Variants in DPH6 observed in about 807,000 individuals in gnomAD.
The protein encoded by DPH6 is diphthamine biosynthesis 6, also known as diphthine--ammonia ligase.
In DPH6, 33 loss-of-function variants were observed where a neutral mutation model predicts 38.2. The ratio of observed to expected loss-of-function variants is 0.86; its 90% CI spans 0.65 to 1.15. The LOEUF (loss-of-function observed/expected upper bound fraction) is 1.15. DPH6 is among the 50% of genes most tolerant of loss of function. DPH6 has a pLI of 0.00. For missense variants in DPH6, 325 were observed against 320.0 expected, an observed-to-expected ratio of 1.02 and a Z score of -0.12; for synonymous variants, 108 against 103.0, an observed-to-expected ratio of 1.05 and a Z score of -0.30.
intron 3 of DPH6, among the ~76,000 whole-genome samples, chr15:35,462,813 C>T (rs112592476): frequency 2.6e-5 from 4 of 152,162 alleles, no homozygotes; most frequent in African/African-American, 9.7e-5. Flanking sequence ...AATCTCAGCT[C>T]TAGAAAAGTA....
At chr15:35,387,113 G>A (rs1247142779) in intron 6 of DPH6, among the ~76,000 whole-genome samples, 1 of 152,134 alleles carries the variant, frequency 6.6e-6, no homozygotes, top group Non-Finnish European at 1.5e-5. Flanking sequence ...TTTCCCCATT[G>A]CTTGTTTTTG....
the DPH6 span, among the ~76,000 whole-genome samples, chr15:35,185,731 T>C: frequency 1.6e-5 from 2 of 126,218 alleles, no homozygotes; most frequent in Admixed American, 8.3e-5. Context: ...ACTCTTTTTT[T>C]TTTTTTTTTT....
At chr15:35,302,445 TC>T (rs2052060716) in intron 3 of DPH6, among the ~76,000 whole-genome samples, 1 of 152,224 alleles carries the variant, frequency 6.6e-6, no homozygotes. Flanking sequence ...CATGCCCTAC[TC>T]TTTTATCAAT....
chr15:35,531,293 G>C (rs1327210150), intron 3 of DPH6, among the ~76,000 whole-genome samples: 1 of 152,156 alleles, frequency 6.6e-6, no homozygotes. Flanking sequence ...GTGTGCAGAA[G>C]GAAACTATTC....
intron 3 of DPH6, among the ~76,000 whole-genome samples, chr15:35,301,790 T>C (rs2052055944): frequency 6.6e-6 from 1 of 152,028 alleles, no homozygotes; most frequent in Non-Finnish European, 1.5e-5. Flanking sequence ...CTGGCTAACA[T>C]GGTAAAACCC....
chr15:35,208,353 G>A, the DPH6 span, among the ~76,000 whole-genome samples: 1 of 152,102 alleles, frequency 6.6e-6, no homozygotes, highest in African/African-American at 2.4e-5. Context: ...TAGACCCCAG[G>A]AGTTATGGGA....
chr15:35,528,210 T>C (rs934446916), intron 3 of DPH6, among the ~76,000 whole-genome samples: 3 of 152,152 alleles, frequency 2.0e-5, no homozygotes, highest in Non-Finnish European at 4.4e-5. Flanking sequence ...GATAAACTAT[T>C]TCAGTTGATA....
At position 35,473,963 on chromosome 15, in the gene DPH6, C is replaced by T. The variant is rs561545848; in HGVS notation, c.313-19143G>A. On this transcript the variant is annotated intron_variant, in intron 3 of 8. Transcript: ENST00000256538. The stretch of plus-strand genomic sequence containing the variant: ...GTGTGTGTGTGTGTGTGTGTGCGCG[C>T]GCGCGCGTGAGCTTTTGTAGACATA... 7.1e-3 allele frequency among the ~76,000 whole-genome samples: 1,002 copies of T among 141,430 alleles called. 9 individuals carry two copies. The highest frequency in any genetic ancestry group is 0.025 in the Middle Eastern group (7 of 278). The allele number at this position is 141,430 out of a possible 152,430, so 92.8% of individuals were successfully genotyped here. A position where few individuals can be genotyped will look rare whatever the true frequency, so the allele number is the denominator to read the frequency against.
In DPH6 at chr15:35,353,876, A is replaced by G. The variant is rs551850304; in HGVS notation, n.207+19645T>C. ...ATCTATAAATTACCTTGGGCAGTATAGCCATTTTCACGATATTGATTCTTC... is the reference window on the plus strand; with the variant it reads ...ATCTATAAATTACCTTGGGCAGTATGGCCATTTTCACGATATTGATTCTTC... On this transcript the variant is annotated intron_variant and non_coding_transcript_variant, in intron 3 of 3. Coordinates refer to the DPH6 transcript ENST00000558973. Among the ~76,000 whole-genome samples the G allele has an allele frequency of 3.0e-3, 461 of 152,240 alleles. 2 individuals are homozygous for G. The highest frequency in any genetic ancestry group is 0.01 in the African/African-American group (426 of 41,564).
intron 3 of DPH6, among the ~76,000 whole-genome samples, chr15:35,486,986 G>A (rs572242874): frequency 1.3e-5 from 2 of 152,162 alleles, no homozygotes; most frequent in African/African-American, 4.8e-5. Flanking sequence ...TCTGAAACCC[G>A]GCAGGGCAGC....
At chr15:35,357,786 C>G (rs2052578255) in intron 3 of DPH6, among the ~76,000 whole-genome samples, 1 of 152,184 alleles carries the variant, frequency 6.6e-6, no homozygotes, top group Non-Finnish European at 1.5e-5. Context: ...TTATATGTTA[C>G]CTGGTGCTTC....
chr15:35,253,606 C>T (rs1358186263), intron 3 of DPH6, among the ~76,000 whole-genome samples: 2 of 152,208 alleles, frequency 1.3e-5, no homozygotes, highest in Non-Finnish European at 2.9e-5. Context: ...AAGTAATACG[C>T]TAGTCACTTA....
the DPH6 span, among the ~76,000 whole-genome samples, chr15:35,167,630 A>G: frequency 6.6e-6 from 1 of 151,810 alleles, no homozygotes; most frequent in African/African-American, 2.4e-5. Flanking sequence ...TCAATATCAG[A>G]CATCTCGCAA....
chr15:35,280,894 C>G (rs1409780685), intron 3 of DPH6, among the ~76,000 whole-genome samples: 1 of 152,090 alleles, frequency 6.6e-6, no homozygotes, highest in Non-Finnish European at 1.5e-5. Context: ...AGACAATTGA[C>G]TTACTTTTCT....
intron 3 of DPH6, among the ~76,000 whole-genome samples, chr15:35,234,205 C>T (rs768243811): frequency 6.6e-6 from 1 of 152,176 alleles, no homozygotes; most frequent in Non-Finnish European, 1.5e-5. Flanking sequence ...CCAGATTGAG[C>T]CTGTAGCAAA....
chr15:35,275,584 G>C (rs2051852326), intron 3 of DPH6, among the ~76,000 whole-genome samples: 1 of 151,986 alleles, frequency 6.6e-6, no homozygotes, highest in Non-Finnish European at 1.5e-5. Context: ...AGACCATTAG[G>C]ACAAATACCT....
At chr15:35,259,148 A>T (rs903776806) in intron 3 of DPH6, among the ~76,000 whole-genome samples, 441 of 148,458 alleles carry the variant, frequency 3.0e-3, no homozygotes, top group Non-Finnish European at 4.4e-3. Flanking sequence ...CCGTCTCAAA[A>T]AAAAAAAAAA....
intron 3 of DPH6, among the ~76,000 whole-genome samples, chr15:35,493,748 G>A (rs542944406): frequency 6.6e-6 from 1 of 152,226 alleles, no homozygotes; most frequent in Non-Finnish European, 1.5e-5. Context: ...GAAGAGGGTT[G>A]TTGGGATGGG....
chr15:35,234,032 C>CA (rs1293914459), intron 3 of DPH6, among the ~76,000 whole-genome samples: 1 of 152,164 alleles, frequency 6.6e-6, no homozygotes, highest in Non-Finnish European at 1.5e-5. Context: ...CCCAACCCCC[C>CA]ACAGGAGGAA....
Sources: gnomAD v4.1 joint callset for allele counts (sites outside exome capture counted in the v4.1 genomes callset) on GRCh38, gnomAD v4.1.1 for gene constraint, MANE v1.5 for transcripts, NCBI Gene and HGNC (gene_info 2026-07-23, HGNC 2026-07-21) for gene names.